MTMR14: variants seen among roughly 807,000 people sequenced by gnomAD.
MTMR14 encodes the protein phosphatidylinositol-3,5-bisphosphate 3-phosphatase MTMR14.
In MTMR14, 48 loss-of-function variants were observed where a neutral mutation model predicts 86.3. The observed-to-expected ratio is 0.56, with a 90% confidence interval of 0.44 to 0.71. The LOEUF is 0.71. MTMR14 is among the 30% of genes least tolerant of loss of function. MTMR14 has a pLI of 0.00. For synonymous variants in MTMR14, 366 were observed against 326.1 expected (o/e 1.12, Z -1.32); for missense variants, 780 against 834.6 (o/e 0.93, Z 0.81).
At chr3:9,680,108 A>G (rs1575024074) in intron 9 of MTMR14, among the ~76,000 whole-genome samples, 1 of 152,080 alleles carries the variant, frequency 6.6e-6, no homozygotes, top group East Asian at 1.9e-4. Context: ...CACCTTTCAC[A>G]CATGTCCCTT....
rs1315415045 is a variant in MTMR14, at chr3:9,701,752, G to A, written c.1770-38G>A. 6.2e-7 allele frequency: 1 copy of A among 1,610,800 alleles called. No homozygotes were observed. The highest frequency in any genetic ancestry group is 1.7e-5 in the Admixed American group (1 of 60,022). ...GATGAGGATACTGGGTCCTGTCCCA[G>A]GGTAATGTCTTTGTTCTTTCTCTTG... is the stretch of plus-strand genomic sequence containing the variant. On this transcript the variant is annotated intron_variant, in intron 18 of 18. Coordinates refer to ENST00000296003, the MANE Select transcript of MTMR14 (RefSeq NM_001077525.3). This position sits in a 1 kb window ranked among gnomAD's most constrained non-coding sequence, Gnocchi z 4.2.
chr3:9,652,028 C>T, intron 1 of MTMR14, among the ~76,000 whole-genome samples: 1 of 152,068 alleles, frequency 6.6e-6, no homozygotes, highest in Admixed American at 6.6e-5. Flanking sequence ...GATGGGGTTT[C>T]ACCATGTTGG....
At chr3:9,681,499 CAG>C (rs1375510321) in intron 9 of MTMR14, among the ~76,000 whole-genome samples, 1 of 152,178 alleles carries the variant, frequency 6.6e-6, no homozygotes, top group Non-Finnish European at 1.5e-5. Flanking sequence ...CCAGTGGTCA[CAG>C]AAACCCCAAA....
chr3:9,672,558 T>C (rs1301480119), intron 6 of MTMR14, 127 bp from the exon 7 acceptor site: 16 of 838,064 alleles, frequency 1.9e-5, no homozygotes, highest in Non-Finnish European at 3.1e-5. Flanking sequence ...CTGAAGGGAA[T>C]TATTAACAAT....
At position 9,672,749 on chromosome 3, in the gene MTMR14, C is replaced by T. The variant is rs2048639543; in HGVS notation, c.742C>T (p.Pro248Ser). 1.2e-6 allele frequency: 2 copies of T among 1,614,026 alleles called. No homozygotes were observed. Among genetic ancestry groups the T allele is most frequent in the African/African-American group, 1.3e-5 (1 of 74,916 alleles). ...RYADFTLLSI[P>S]YPGCEFFKEY... ...TGCCGACTTCACTCTCCTCTCCATC[C>T]CGTATCCAGGTAGGGGGCTCTCTTC... The change falls in exon 7 of 19, where the codon CCG (proline) becomes TCG (serine). Residue 248 changes from proline (P) to serine (S), a missense_variant. By Grantham distance (74) the Pro-to-Ser change is moderately conservative. Coordinates refer to ENST00000296003, the MANE Select transcript of MTMR14 (RefSeq NM_001077525.3).
chr3:9,668,413 A>T (rs2048374198), intron 3 of MTMR14, among the ~76,000 whole-genome samples: 1 of 152,252 alleles, frequency 6.6e-6, no homozygotes, highest in Non-Finnish European at 1.5e-5. Flanking sequence ...TTCAGTGAGA[A>T]GATGATGGGT....
In MTMR14 at chr3:9,697,777, GGGCTGT is replaced by G. The variant is rs1559622185; in HGVS notation, c.1684_1689del (p.Cys562_Gly563del). On this transcript the variant is annotated inframe_deletion, in exon 18 of 19. Coordinates refer to ENST00000296003, the MANE Select transcript of MTMR14 (RefSeq NM_001077525.3). ...ACTATGGCAGCTGGCAGATGGTAAC[GGGCTGT>G]GGCAGTATTCAGGAGCGGGCTGTCC... The G allele has an allele frequency of 6.2e-7, 1 of 1,614,030 alleles. No individual in the cohort carries two copies. The highest frequency in any genetic ancestry group is 8.5e-7 in the Non-Finnish European group (1 of 1,180,000).
At chr3:9,685,993 T>C (rs181382944) in intron 13 of MTMR14, among the ~76,000 whole-genome samples, 110 of 152,202 alleles carry the variant, frequency 7.2e-4, no homozygotes, top group African/African-American at 2.6e-3. Flanking sequence ...ATGGAAGCTG[T>C]CCCACGGTGT....
At chr3:9,675,408 C>T in intron 7 of MTMR14, 1 of 277,340 alleles carries the variant, frequency 3.6e-6, no homozygotes, top group South Asian at 3.6e-5. Flanking sequence ...CACTTTGATG[C>T]TATTTAAGGA....
rs200360764 is a variant in MTMR14, at chr3:9,697,842, C to T, written c.1745C>T (p.Pro582Leu). 2.0e-4 allele frequency: 328 copies of T among 1,614,094 alleles called. No individual in the cohort carries two copies. In the Middle Eastern group the frequency reaches 2.8e-3, roughly 14 times the overall value. The change falls in exon 18 of 19, where the codon CCG becomes CTG. Residue 582 changes from proline to leucine, a missense_variant. Transcript: ENST00000296003. ...GACTCCTCTCTCCCTTTCAGCTTCC[C>T]GGATGAGCTCCCTAACAGTTGTCTG... Reference protein sequence around the residue: ...HTDSSLPFSFPDELPNSCLLA... With the variant: ...HTDSSLPFSFLDELPNSCLLA...
intron 1 of MTMR14, chr3:9,650,329 C>A: frequency 2.2e-6 from 1 of 456,704 alleles, no homozygotes; most frequent in Non-Finnish European, 4.4e-6. Context: ...TCCACCCAGT[C>A]GTCTTATCGC....
rs117731943 is a variant in MTMR14 at position 9,661,115 on chromosome 3, C to A, written c.309-1152C>A. On this transcript the variant is annotated intron_variant, in intron 2 of 18. Transcript: ENST00000296003. Reference sequence around the variant, plus strand: ...TGTGTCACACATGGCTTCTCTTATGCCTCCTTTGCTCTGTGCGCTGTTGGC... The same window carrying A: ...TGTGTCACACATGGCTTCTCTTATGACTCCTTTGCTCTGTGCGCTGTTGGC... Among the ~76,000 whole-genome samples, 501 of 152,318 alleles carry A rather than the reference C, an allele frequency of 3.3e-3. 6 individuals carry two copies. The highest frequency in any genetic ancestry group is 0.023 in the Admixed American group (352 of 15,294).
intron 2 of MTMR14, among the ~76,000 whole-genome samples, chr3:9,661,597 G>T (rs1053384307): frequency 7.2e-5 from 11 of 152,122 alleles, no homozygotes; most frequent in African/African-American, 2.4e-4. Flanking sequence ...AAATGGTCCT[G>T]TGATTTCCAG....
chr3:9,654,048 CAG>C (rs1358455776), intron 2 of MTMR14, among the ~76,000 whole-genome samples: 1 of 152,186 alleles, frequency 6.6e-6, no homozygotes. Flanking sequence ...CTCTGAATAT[CAG>C]TGTCCCTTTT....
rs913616975 is a variant in MTMR14 at position 9,689,145 on chromosome 3, G to C, written c.1433+63G>C. The C allele has an allele frequency of 1.2e-5, 19 of 1,596,618 alleles. No individual in the cohort carries two copies. The African/African-American group carries it at 2.5e-4, about 21-fold the overall frequency. On this transcript the variant is annotated intron_variant, in intron 16 of 18. Transcript: ENST00000296003. ...GTGGCCCGGGGCCATCAGCACCAGG[G>C]AGCCAGGCTGGAGCCCCAAGAACAA...
intron 2 of MTMR14, among the ~76,000 whole-genome samples, chr3:9,656,768 GGTTTT>G (rs1012523951): frequency 2.6e-5 from 4 of 151,916 alleles, no homozygotes; most frequent in Admixed American, 6.6e-5. Context: ...TGAACAAGAG[GGTTTT>G]GTTTTGTTTT....
chr3:9,700,860 C>T (rs749229213), intron 18 of MTMR14: 1 of 151,582 alleles, frequency 6.6e-6, no homozygotes, highest in Non-Finnish European at 1.5e-5. Flanking sequence ...ACTCTGTTGC[C>T]CAGGCTGGAG....
chr3:9,652,850 T>C (rs2124926148), intron 1 of MTMR14, among the ~76,000 whole-genome samples: 1 of 151,116 alleles, frequency 6.6e-6, no homozygotes, highest in African/African-American at 2.4e-5. Context: ...ATTAGCCAAA[T>C]ATGCTCACTT....
At chr3:9,700,643 C>A (rs1272944017) in intron 18 of MTMR14, 1 of 152,184 alleles carries the variant, frequency 6.6e-6, no homozygotes, top group Non-Finnish European at 1.5e-5. Context: ...GAAAAGCCAG[C>A]ACCCTTTCAG....
Sources: gnomAD v4.1 joint callset for allele counts (sites outside exome capture counted in the v4.1 genomes callset) on GRCh38, gnomAD v4.1.1 for gene constraint, Gnocchi (gnomAD v3.1) non-coding constraint, MANE v1.5 for transcripts, NCBI Gene and HGNC (gene_info 2026-07-23, HGNC 2026-07-21) for gene names.